The following FLYWCH1 variants were observed in gnomAD, a reference collection of about 807,000 sequenced individuals.
The protein encoded by FLYWCH1 is FLYWCH-type zinc finger-containing protein 1.
Under a neutral mutation model 66.4 loss-of-function variants are expected in FLYWCH1, and 75 were observed. The ratio of observed to expected loss-of-function variants is 1.13; its 90% CI spans 0.94 to 1.37. FLYWCH1 has a LOEUF of 1.37. Ranked by LOEUF, FLYWCH1 falls within the 40% of genes most tolerant of loss-of-function variation. FLYWCH1 has a pLI of 0.00. For missense variants in FLYWCH1, 1,334 were observed against 1,001.8 expected (o/e 1.33, Z -4.48); for synonymous variants, 595 against 429.9 (o/e 1.38, Z -4.75).
At chr16:2,914,085 A>T (rs1315670077) in intron 1 of FLYWCH1, 91 bp from the exon 2 acceptor site, 2 of 152,236 alleles carry the variant, frequency 1.3e-5, no homozygotes, top group African/African-American at 4.8e-5. Flanking sequence ...CTGCACCTGG[A>T]TGCTGAACAC....
At chr16:2,927,763 C>T (rs2070623333) in intron 2 of FLYWCH1, among the ~76,000 whole-genome samples, 1 of 152,218 alleles carries the variant, frequency 6.6e-6, no homozygotes, top group East Asian at 1.9e-4. Context: ...CGCTCCACAC[C>T]TATGGATATT....
chr16:2,938,552 C>CTG (rs71158126), intron 8 of FLYWCH1, 96 bp downstream of exon 8: 304,869 of 1,149,424 alleles, frequency 0.27, 45,479 homozygotes, highest in Admixed American at 0.33. Context: ...ACTGAGCAGA[C>CTG]TGCTTTTGTG....
chr16:2,935,885 C>G, intron 6 of FLYWCH1: 1 of 152,756 alleles, frequency 6.5e-6, no homozygotes, highest in Non-Finnish European at 1.5e-5. Context: ...TCCTGTTAAT[C>G]AGATGTTGAT....
At chr16:2,922,754 A>G (rs2070419173) in intron 2 of FLYWCH1, 1 of 513,986 alleles carries the variant, frequency 1.9e-6, no homozygotes, top group South Asian at 1.4e-5. Context: ...CAATCAGGGT[A>G]TTGACCTGGG....
At chr16:2,938,110 G>T in intron 7 of FLYWCH1, 74 bp from the exon 8 acceptor site, 1 of 1,445,832 alleles carries the variant, frequency 6.9e-7, no homozygotes, top group African/African-American at 1.4e-5. Flanking sequence ...CCTGGCTGGG[G>T]GATACAAATC....
intron 2 of FLYWCH1, among the ~76,000 whole-genome samples, chr16:2,923,395 C>T (rs1254190334): frequency 1.3e-5 from 2 of 152,148 alleles, no homozygotes; most frequent in Admixed American, 6.5e-5. Context: ...TACAGGCGTC[C>T]GCCACCACGC....
intron 2 of FLYWCH1, among the ~76,000 whole-genome samples, chr16:2,925,579 G>GA (rs1204737502): frequency 1.5e-5 from 2 of 133,866 alleles, no homozygotes; most frequent in Non-Finnish European, 3.2e-5. Context: ...AGTTGCGGGG[G>GA]GAGGGGGGTA....
At chr16:2,941,902 CAGG>C (rs2071277028) in intron 9 of FLYWCH1, among the ~76,000 whole-genome samples, 1 of 137,610 alleles carries the variant, frequency 7.3e-6, no homozygotes. Flanking sequence ...GAGCCTGTAG[CAGG>C]AGAATTGCTT....
intron 2 of FLYWCH1, among the ~76,000 whole-genome samples, chr16:2,917,836 G>C (rs1000240596): frequency 7.4e-6 from 1 of 134,634 alleles, no homozygotes; most frequent in Non-Finnish European, 1.6e-5. Context: ...CCAAAATCTG[G>C]AGTCTTTTCT....
intron 2 of FLYWCH1, chr16:2,922,487 C>T: frequency 4.2e-6 from 1 of 236,608 alleles, no homozygotes; most frequent in Non-Finnish European, 8.3e-6. Context: ...ATCCTCCTGC[C>T]CCTGGCACCC....
intron 4 of FLYWCH1, among the ~76,000 whole-genome samples, chr16:2,931,765 C>G (rs963315824): frequency 3.3e-5 from 5 of 151,676 alleles, no homozygotes; most frequent in Non-Finnish European, 5.9e-5. Flanking sequence ...GTCAGGAGTT[C>G]AAGACCAGCC....
At chr16:2,939,537 C>A (rs2071171575) in intron 8 of FLYWCH1, among the ~76,000 whole-genome samples, 1 of 78,060 alleles carries the variant, frequency 1.3e-5, no homozygotes, top group African/African-American at 4.9e-5. Flanking sequence ...ATGGTGAAAC[C>A]CTGTCTCTAA....
chr16:2,928,661 CTTA>C (rs1471764537), intron 2 of FLYWCH1, among the ~76,000 whole-genome samples: 1 of 152,104 alleles, frequency 6.6e-6, no homozygotes, highest in Non-Finnish European at 1.5e-5. Flanking sequence ...AATGGAGTTT[CTTA>C]TGTCTTCCTT....
chr16:2,937,270 C>G lies in FLYWCH1; in HGVS notation c.1663C>G (p.Gln555Glu). 1 of 1,606,640 alleles carries G rather than the reference C, an allele frequency of 6.2e-7. No homozygotes were observed. Among genetic ancestry groups the G allele is most frequent in the Middle Eastern group, 1.9e-4 (1 of 5,168 alleles). The change falls in exon 7 of 10, where the codon CAG (glutamine) becomes GAG (glutamate). Residue 555 changes from glutamine (Q) to glutamate (E), a missense_variant. By Grantham distance (29) the Gln-to-Glu change is conservative (BLOSUM62 2). Transcript: ENST00000253928. ...RMGCRSRAIT[Q>E]GRRVMVMRRH... Reference sequence around the variant, plus strand: ...GGGCTGCCGCAGCCGCGCCATCACCCAGGGCCGGCGGGTCATGGTCATGCG... The same window carrying G: ...GGGCTGCCGCAGCCGCGCCATCACCGAGGGCCGGCGGGTCATGGTCATGCG...
intron 2 of FLYWCH1, among the ~76,000 whole-genome samples, chr16:2,926,729 C>T (rs1373307132): frequency 1.3e-5 from 2 of 152,138 alleles, no homozygotes; most frequent in Non-Finnish European, 2.9e-5. Flanking sequence ...TATGAAAATG[C>T]AAATCCGGAA....
chr16:2,933,304 CTG>C lies in FLYWCH1; in HGVS notation c.974_975del (p.Val325AspfsTer46), dbSNP rs1235775435. 5.0e-6 allele frequency: 8 copies of C among 1,611,544 alleles called. No homozygotes were observed. The highest frequency in any genetic ancestry group is 1.3e-5 in the African/African-American group (1 of 74,826). The stretch of plus-strand genomic sequence containing the variant: ...GCCATCACCCAGGGACAGCGGGTGA[CTG>C]TGATGCGTGGGCACTGCCACCAGCC... On this transcript the variant is annotated frameshift_variant, in exon 5 of 10. Coordinates refer to ENST00000253928, the MANE Select transcript of FLYWCH1 (RefSeq NM_001308068.2). LOFTEE classifies it high-confidence loss of function.
At chr16:2,925,904 A>G (rs1025219279) in intron 2 of FLYWCH1, among the ~76,000 whole-genome samples, 3 of 152,208 alleles carry the variant, frequency 2.0e-5, no homozygotes, top group African/African-American at 7.2e-5. Flanking sequence ...ACTTTGGATC[A>G]AAGTGGGAGA....
chr16:2,932,017 C>T (rs1470220418), intron 4 of FLYWCH1, among the ~76,000 whole-genome samples: 4 of 151,272 alleles, frequency 2.6e-5, no homozygotes, highest in Non-Finnish European at 5.9e-5. Flanking sequence ...ACTCGGGAGG[C>T]TGAGGCAGGA....
intron 6 of FLYWCH1, chr16:2,934,493 C>T: frequency 5.3e-6 from 2 of 374,960 alleles, no homozygotes; most frequent in Admixed American, 3.2e-5. Context: ...CGGTCGGCCC[C>T]CCGCAGTGCC....
Sources: allele counts gnomAD v4.1 joint callset (sites outside exome capture counted in the v4.1 genomes callset), GRCh38; gene constraint gnomAD v4.1.1; transcripts MANE v1.5; gene names NCBI Gene and HGNC (gene_info 2026-07-23, HGNC 2026-07-21).